Variants in EPHA6 observed in about 807,000 individuals in gnomAD.
EPHA6 encodes the protein EPH receptor A6, also known as ephrin type-A receptor 6.
EPHA6 carries 50 observed loss-of-function variants against 112.0 expected under a neutral mutation model. The observed-to-expected ratio is 0.45, with a 90% CI of 0.36 to 0.56. The LOEUF (loss-of-function observed/expected upper bound fraction) is 0.56. Among genes scored for constraint, EPHA6 ranks in the 20% least tolerant of loss-of-function variants. EPHA6 has a pLI of 0.00. For synonymous variants in EPHA6, 529 were observed against 490.7 expected, an observed-to-expected ratio of 1.08 and a Z score of -1.03; for missense variants, 1,280 against 1,417.4, an observed-to-expected ratio of 0.90 and a Z score of 1.56.
At chr3:97,644,870 C>G (rs1308277292) in intron 14 of EPHA6, among the ~76,000 whole-genome samples, 1 of 152,078 alleles carries the variant, frequency 6.6e-6, no homozygotes, top group Non-Finnish European at 1.5e-5. Flanking sequence ...CAAGGAGGAA[C>G]TGGTACCATT....
chr3:97,325,429 T>A (rs950482295), intron 5 of EPHA6, among the ~76,000 whole-genome samples: 1 of 152,102 alleles, frequency 6.6e-6, no homozygotes, highest in Non-Finnish European at 1.5e-5. Flanking sequence ...CTTATTTTTA[T>A]AAGGACAGCA....
chr3:97,661,081 T>C (rs2094166764), intron 14 of EPHA6, among the ~76,000 whole-genome samples: 1 of 152,122 alleles, frequency 6.6e-6, no homozygotes, highest in Non-Finnish European at 1.5e-5. Flanking sequence ...AAGTGGAAAA[T>C]ATTAGTTCCC....
At chr3:97,162,601 C>T (rs2076440905) in intron 3 of EPHA6, among the ~76,000 whole-genome samples, 1 of 152,082 alleles carries the variant, frequency 6.6e-6, no homozygotes, top group Non-Finnish European at 1.5e-5. Context: ...TCATTTTTCC[C>T]AATGCACTCT....
chr3:97,416,658 A>G (rs1490820107), intron 6 of EPHA6, among the ~76,000 whole-genome samples: 1 of 152,126 alleles, frequency 6.6e-6, no homozygotes, highest in Non-Finnish European at 1.5e-5. Context: ...ACATTTAACA[A>G]ATATTTATTG....
chr3:97,720,696 G>C (rs2034488386), intron 15 of EPHA6, among the ~76,000 whole-genome samples: 1 of 152,134 alleles, frequency 6.6e-6, no homozygotes, highest in Non-Finnish European at 1.5e-5. Context: ...CAATAGCCTT[G>C]ACCTACAAGT....
At chr3:97,158,943 T>C (rs2076351521) in intron 3 of EPHA6, among the ~76,000 whole-genome samples, 1 of 152,112 alleles carries the variant, frequency 6.6e-6, no homozygotes, top group African/African-American at 2.4e-5. Flanking sequence ...AGCCATCTTA[T>C]TTAGGAATTA....
At chr3:96,954,270 A>T (rs1378730421) in intron 2 of EPHA6, among the ~76,000 whole-genome samples, 2 of 152,158 alleles carry the variant, frequency 1.3e-5, no homozygotes, top group African/African-American at 4.8e-5. Context: ...GCCATTCCTC[A>T]TGGCAAAAAC....
chr3:96,881,133 C>T (rs1285973775), intron 2 of EPHA6, among the ~76,000 whole-genome samples: 3 of 152,120 alleles, frequency 2.0e-5, no homozygotes, highest in Non-Finnish European at 4.4e-5. Flanking sequence ...TTTGTGTTCT[C>T]ATCAGCAATG....
rs147557790 is a variant in EPHA6, at chr3:97,002,770, T to C, written c.1114+14777T>C. Among the ~76,000 whole-genome samples the C allele has an allele frequency of 7.8e-3, 1,184 of 152,158 alleles. 19 individuals are homozygous for C. The highest frequency in any genetic ancestry group is 0.026 in the African/African-American group (1,097 of 41,534). On this transcript the variant is annotated intron_variant, in intron 3 of 17. Transcript: ENST00000389672. ...AATTCAGCAAAAACGGTGCTCATTTTTGTATAAAATAACAAATGCATTGCA... is the reference window on the plus strand; with the variant it reads ...AATTCAGCAAAAACGGTGCTCATTTCTGTATAAAATAACAAATGCATTGCA...
chr3:97,229,489 TTA>T (rs1392701166), intron 4 of EPHA6, among the ~76,000 whole-genome samples: 2 of 152,110 alleles, frequency 1.3e-5, no homozygotes, highest in Non-Finnish European at 2.9e-5. Flanking sequence ...TTTCTCCACT[TTA>T]TGTTTTTGTT....
At chr3:97,640,764 G>C (rs2093996186) in intron 14 of EPHA6, among the ~76,000 whole-genome samples, 1 of 151,722 alleles carries the variant, frequency 6.6e-6, no homozygotes, top group Non-Finnish European at 1.5e-5. Flanking sequence ...TGGTCAACAA[G>C]AGTGAAACTC....
intron 1 of EPHA6, among the ~76,000 whole-genome samples, chr3:96,828,543 T>A (rs888157341): frequency 1.3e-5 from 2 of 152,148 alleles, no homozygotes; most frequent in African/African-American, 4.8e-5. Context: ...GCTCCACCTT[T>A]GTTTTTATGA....
intron 14 of EPHA6, among the ~76,000 whole-genome samples, chr3:97,675,461 C>T (rs1415626944): frequency 1.3e-5 from 2 of 152,128 alleles, no homozygotes; most frequent in Non-Finnish European, 2.9e-5. Context: ...GCCTGGGCAA[C>T]AGAGTGAGAC....
intron 12 of EPHA6, among the ~76,000 whole-genome samples, chr3:97,607,008 T>A (rs2107441665): frequency 6.6e-6 from 1 of 151,218 alleles, no homozygotes; most frequent in South Asian, 2.1e-4. Context: ...CTGAATGACT[T>A]AAATCTGTAA....
chr3:97,365,468 GCACCCTCTGACTCCCTGGT>G (rs1478299991), intron 5 of EPHA6, among the ~76,000 whole-genome samples: 1 of 151,494 alleles, frequency 6.6e-6, no homozygotes, highest in Non-Finnish European at 1.5e-5. Flanking sequence ...TCGGCTCACT[GCACCCTCTGACTCCCTGGT>G]TCAGGGGATT....
chr3:97,476,780 T>A (rs2091380564), intron 8 of EPHA6, among the ~76,000 whole-genome samples: 1 of 152,058 alleles, frequency 6.6e-6, no homozygotes, highest in Non-Finnish European at 1.5e-5. Context: ...TGTGGTTGAG[T>A]TAAAAATGAT....
intron 5 of EPHA6, among the ~76,000 whole-genome samples, chr3:97,345,944 C>A (rs917192665): frequency 2.6e-5 from 4 of 152,016 alleles, no homozygotes; most frequent in Non-Finnish European, 5.9e-5. Context: ...AGGTCATAAC[C>A]TTTTTCAAGA....
intron 4 of EPHA6, among the ~76,000 whole-genome samples, chr3:97,235,954 A>G: frequency 6.6e-6 from 1 of 152,184 alleles, no homozygotes; most frequent in East Asian, 1.9e-4. Context: ...TGAAAAATAT[A>G]TTTTAAAAAT....
chr3:96,825,333 A>T (rs2107241560), intron 1 of EPHA6, among the ~76,000 whole-genome samples: 1 of 151,916 alleles, frequency 6.6e-6, no homozygotes, highest in East Asian at 1.9e-4. Context: ...TTTCTTTAAA[A>T]TATAACAACA....
Sources: allele counts gnomAD v4.1 joint callset (sites outside exome capture counted in the v4.1 genomes callset), GRCh38; gene constraint gnomAD v4.1.1; transcripts MANE v1.5; gene names NCBI Gene and HGNC (gene_info 2026-07-23, HGNC 2026-07-21).